ABHD17A: variants seen among roughly 807,000 people sequenced by gnomAD.
ABHD17A encodes the protein alpha/beta hydrolase domain-containing protein 17A.
ABHD17A carries 10 observed loss-of-function variants against 26.8 expected under a neutral mutation model. The observed-to-expected ratio is 0.37, with a 90% confidence interval of 0.23 to 0.63. The LOEUF is 0.63. Ranked by LOEUF, ABHD17A falls within the 30% of genes least tolerant of loss-of-function variation. The pLI is 0.61. For missense variants in ABHD17A, 292 were observed against 457.3 expected, an observed-to-expected ratio of 0.64 and a Z score of 3.30; for synonymous variants, 167 against 210.9, an observed-to-expected ratio of 0.79 and a Z score of 1.80.
intron 1 of ABHD17A, chr19:1,882,794 C>G (rs2012578634): frequency 2.6e-5 from 4 of 152,142 alleles, no homozygotes; most frequent in African/African-American, 9.7e-5. Flanking sequence ...ACCGACCACG[C>G]TTCTCCTTCA....
Position 1,877,074 on chromosome 19 carries a change from C to T in ABHD17A, c.*126G>A. ...CTGTTGCCTGTACATCGTCCACAGC[C>T]CCTGGGTCGGGGCGGGGTCCCCTGG... is the stretch of plus-strand genomic sequence containing the variant. On this transcript the variant is annotated 3_prime_UTR_variant, in exon 5 of 5. Transcript: ENST00000292577. 2 of 678,070 alleles carry T rather than the reference C, an allele frequency of 2.9e-6. No individual in the cohort carries two copies. Among genetic ancestry groups the T allele is most frequent in the Non-Finnish European group, 2.5e-6 (1 of 404,950 alleles). 42.0% of individuals were successfully genotyped at this position (678,070 alleles called of 1,614,324 possible).
chr19:1,884,403 CCTCA>C (rs1459173389), intron 1 of ABHD17A, among the ~76,000 whole-genome samples: 1 of 152,244 alleles, frequency 6.6e-6, no homozygotes, highest in East Asian at 1.9e-4. Flanking sequence ...AACCCAGACG[CCTCA>C]CTCACTGGGC....
Position 1,877,126 on chromosome 19 carries a change from C to G in ABHD17A, c.*74G>C, listed in dbSNP as rs1218758810. The G allele has an allele frequency of 1.1e-5, 16 of 1,452,948 alleles. No individual in the cohort carries two copies. Among genetic ancestry groups the G allele is most frequent in the Non-Finnish European group, 1.4e-5 (15 of 1,078,682 alleles). The allele number at this position is 1,452,948 out of a possible 1,614,324, so 90.0% of individuals were successfully genotyped here. A position where few individuals can be genotyped will look rare whatever the true frequency, so the allele number is the denominator to read the frequency against. ...CCGCCCGGGGGGTCCACATGCAGCC[C>G]CTGGGTGGGGGCCGGCGCGGGGTGA... is the stretch of plus-strand genomic sequence containing the variant. On this transcript the variant is annotated 3_prime_UTR_variant, in exon 5 of 5. Coordinates refer to ENST00000292577, the MANE Select transcript of ABHD17A (RefSeq NM_001130111.2).
In ABHD17A at chr19:1,881,349, C is replaced by A. The variant is rs748165392; in HGVS notation, c.218G>T (p.Arg73Leu). 5 of 1,608,396 alleles carry A rather than the reference C, an allele frequency of 3.1e-6. No individual in the cohort carries two copies. Among genetic ancestry groups the A allele is most frequent in the African/African-American group, 1.3e-5 (1 of 74,610 alleles). Residue 73 changes from arginine to leucine, a missense_variant, in exon 2 of 5, where the codon CGT becomes CTT. Arg to Leu is a moderately radical substitution (Grantham distance 102, BLOSUM62 -2). Coordinates refer to ENST00000292577, the MANE Select transcript of ABHD17A (RefSeq NM_001130111.2). ...PGRWKLHLTERADFQYSQREL... is the reference protein window; with the variant it reads ...PGRWKLHLTELADFQYSQREL... ...GCGCTGGCTGTACTGGAAGTCGGCA[C>A]GCTCCGTCAGGTGCAGCTTCCAGCG...
rs532247451 is a variant in ABHD17A at position 1,879,779 on chromosome 19, G to A, written c.527+142C>T. The A allele has an allele frequency of 1.0e-4, 84 of 822,164 alleles. No individual in the cohort carries two copies. Among genetic ancestry groups the A allele is most frequent in the Admixed American group, 8.8e-4 (33 of 37,468 alleles). 50.9% of individuals were successfully genotyped at this position (822,164 alleles called of 1,614,324 possible). On this transcript the variant is annotated intron_variant, in intron 3 of 4. Coordinates refer to ENST00000292577, the MANE Select transcript of ABHD17A (RefSeq NM_001130111.2). This position sits in a 1 kb window ranked among gnomAD's most constrained non-coding sequence, Gnocchi z 7.6. ...CCTGCACACCCAAGCTCGCCTGTCC[G>A]GCTCTCTGGCCCTGTGCATCCACTG...
At chr19:1,883,916 G>C (rs1024572806) in intron 1 of ABHD17A, 3 of 152,722 alleles carry the variant, frequency 2.0e-5, no homozygotes, top group South Asian at 2.1e-4. Context: ...GGCTCAGGCC[G>C]ACCTCTCCAG....
At position 1,879,506 on chromosome 19, in the gene ABHD17A, C is replaced by T; in HGVS notation, c.527+415G>A. 3.7e-6 allele frequency: 1 copy of T among 272,968 alleles called. No individual in the cohort carries two copies. The highest frequency in any genetic ancestry group is 3.6e-5 in the South Asian group (1 of 27,478). The allele number at this position is 272,968 out of a possible 1,614,324, so 16.9% of individuals were successfully genotyped here. ...CAGCCACAGGGCCTCATGGGCCAGT[C>T]CTCCGGACCTGGATGCAGCAGCCTC... On this transcript the variant is annotated intron_variant, in intron 3 of 4. Transcript: ENST00000292577. The surrounding 1 kb of genome is among the most constrained non-coding windows in gnomAD (Gnocchi z 7.6).
chr19:1,881,041 G>A (rs1487252811), intron 2 of ABHD17A, 194 bp downstream of exon 2: 1 of 1,605,930 alleles, frequency 6.2e-7, no homozygotes, highest in South Asian at 1.1e-5. Context: ...TGAGCCTGGT[G>A]TCCTTGTCTG....
intron 4 of ABHD17A, 30 bp downstream of exon 4, chr19:1,877,478 C>A: frequency 6.3e-7 from 1 of 1,581,394 alleles, no homozygotes; most frequent in Non-Finnish European, 8.5e-7. Context: ...CGGGCCCCGC[C>A]CCGCCCCCGT....
chr19:1,877,264 T>G lies in ABHD17A; in HGVS notation c.869A>C (p.Tyr290Ser). 6.5e-7 allele frequency: 1 copy of G among 1,544,256 alleles called. No homozygotes were observed. Among genetic ancestry groups the G allele is most frequent in the Non-Finnish European group, 8.7e-7 (1 of 1,149,876 alleles). ...ACGCAGGCGCTCCAGGTACTGGCTG[T>G]AGAGCTCGATGTCGTTGTGCCCGGC... ...EGAGHNDIEL[Y>S]SQYLERLRRF... is the part of the protein sequence containing the mutation. The change falls in exon 5 of 5, where the codon TAC becomes TCC. Residue 290 changes from tyrosine to serine, a missense_variant. Physicochemically the swap from Tyr to Ser is moderately radical, Grantham distance 144. Transcript: ENST00000292577.
In ABHD17A at chr19:1,880,562, G is replaced by A. The variant is rs1457437650; in HGVS notation, c.333-447C>T. Among the ~76,000 whole-genome samples, 1 of 152,196 alleles carries A rather than the reference G, an allele frequency of 6.6e-6. No individual in the cohort carries two copies. Among genetic ancestry groups the A allele is most frequent in the Non-Finnish European group, 1.5e-5 (1 of 68,012 alleles). ...GGACCTTCCCAGGGGAGCCCATGCTGCTGCTGGCAGGGCTATCTCCCCTCA... is the reference window on the plus strand; with the variant it reads ...GGACCTTCCCAGGGGAGCCCATGCTACTGCTGGCAGGGCTATCTCCCCTCA... On this transcript the variant is annotated intron_variant, in intron 2 of 4. Coordinates refer to ENST00000292577, the MANE Select transcript of ABHD17A (RefSeq NM_001130111.2). This position sits in a 1 kb window ranked among gnomAD's most constrained non-coding sequence, Gnocchi z 4.1.
intron 1 of ABHD17A, chr19:1,883,548 C>T (rs8111644): frequency 0.059 from 8,931 of 152,348 alleles, 309 homozygotes; most frequent in Middle Eastern, 0.11. Context: ...ACCCCGGAGA[C>T]GAAGGGGCAC....
intron 1 of ABHD17A, chr19:1,882,312 G>C (rs1442440148): frequency 6.6e-6 from 1 of 152,294 alleles, no homozygotes; most frequent in East Asian, 1.9e-4. Context: ...ACAGGCGCCG[G>C]GTCCCACCGG....
At position 1,880,803 on chromosome 19, in the gene ABHD17A, T is replaced by G. The variant is rs2012500701; in HGVS notation, c.332+432A>C. On this transcript the variant is annotated intron_variant, in intron 2 of 4. Coordinates refer to ENST00000292577, the MANE Select transcript of ABHD17A (RefSeq NM_001130111.2). The surrounding 1 kb of genome is among the most constrained non-coding windows in gnomAD (Gnocchi z 4.1). ...GCAGGTGGCCAGGCTGGCCCTGCCA[T>G]GGACTGCTTCCTCCAGTTCCCCCAG... 2 of 1,552,618 alleles carry G rather than the reference T, an allele frequency of 1.3e-6. No homozygotes were observed. Among genetic ancestry groups the G allele is most frequent in the Non-Finnish European group, 1.7e-6 (2 of 1,144,384 alleles).
Position 1,881,315 on chromosome 19 carries a change from G to C in ABHD17A, c.252C>G (p.Asp84Glu). Reference protein sequence around the residue: ...ADFQYSQRELDTIEVFPTKSA... With the variant: ...ADFQYSQRELETIEVFPTKSA... ...TCTTGGTGGGGAAGACCTCGATGGTGTCCAGCTCGCGCTGGCTGTACTGGA... is the reference window on the plus strand; with the variant it reads ...TCTTGGTGGGGAAGACCTCGATGGTCTCCAGCTCGCGCTGGCTGTACTGGA... The change falls in exon 2 of 5, where the codon GAC becomes GAG. Residue 84 changes from aspartate to glutamate, a missense_variant. Coordinates refer to ENST00000292577, the MANE Select transcript of ABHD17A (RefSeq NM_001130111.2). 6.2e-7 allele frequency: 1 copy of C among 1,610,826 alleles called. No individual in the cohort carries two copies. Among genetic ancestry groups the C allele is most frequent in the Non-Finnish European group, 8.5e-7 (1 of 1,179,694 alleles).
intron 2 of ABHD17A, 130 bp downstream of exon 2, chr19:1,881,105 G>A: frequency 6.4e-7 from 1 of 1,571,326 alleles, no homozygotes; most frequent in Non-Finnish European, 8.6e-7. Flanking sequence ...TACCACCCTT[G>A]CTGGCTGGAT....
chr19:1,881,596 CG>C lies in ABHD17A; in HGVS notation c.-31del. Reference sequence around the variant, plus strand: ...GGCGCCGCCCAGGCCGGGCCTCCACCGGGGCCCCCGCCAACAACGCCGCCCG... The same window carrying C: ...GGCGCCGCCCAGGCCGGGCCTCCACCGGGCCCCCGCCAACAACGCCGCCCG... On this transcript the variant is annotated 5_prime_UTR_variant, in exon 2 of 5. Transcript: ENST00000292577. The C allele has an allele frequency of 2.7e-6, 4 of 1,506,880 alleles. No homozygotes were observed. The highest frequency in any genetic ancestry group is 2.2e-5 in the Admixed American group (1 of 44,790). The allele number at this position is 1,506,880 out of a possible 1,614,324, so 93.3% of individuals were successfully genotyped here. A position where few individuals can be genotyped will look rare whatever the true frequency, so the allele number is the denominator to read the frequency against.
chr19:1,881,792 G>A lies in ABHD17A; in HGVS notation c.-226C>T. On this transcript the variant is annotated 5_prime_UTR_variant, in exon 2 of 5. Transcript: ENST00000292577. ...TCGCAACCACAGGTCTCCATGTCGT[G>A]CCGTGGGAAGCCCTGCGGGGGAACA... The A allele has an allele frequency of 1.8e-6, 1 of 554,654 alleles. No homozygotes were observed. Among genetic ancestry groups the A allele is most frequent in the Non-Finnish European group, 2.9e-6 (1 of 343,726 alleles). 34.4% of individuals were successfully genotyped at this position (554,654 alleles called of 1,614,324 possible).
chr19:1,879,460 C>T lies in ABHD17A; in HGVS notation c.527+461G>A, dbSNP rs1328919061. 1 of 242,136 alleles carries T rather than the reference C, an allele frequency of 4.1e-6. No individual in the cohort carries two copies. Among genetic ancestry groups the T allele is most frequent in the Non-Finnish European group, 8.3e-6 (1 of 120,682 alleles). The allele number at this position is 242,136 out of a possible 1,614,324, so 15.0% of individuals were successfully genotyped here. On this transcript the variant is annotated intron_variant, in intron 3 of 4. Transcript: ENST00000292577. The surrounding 1 kb of genome is among the most constrained non-coding windows in gnomAD (Gnocchi z 7.6). ...TCTGCACCTTACCCTGTAGGCCCTG[C>T]CCCAGGATGGCCAAGCTCCGCAGCC... is the stretch of plus-strand genomic sequence containing the variant.
Sources: gnomAD v4.1 joint callset for allele counts (sites outside exome capture counted in the v4.1 genomes callset) on GRCh38, gnomAD v4.1.1 for gene constraint, Gnocchi (gnomAD v3.1) non-coding constraint, MANE v1.5 for transcripts, NCBI Gene and HGNC (gene_info 2026-07-23, HGNC 2026-07-21) for gene names.